The following ADD1 variants were observed in gnomAD, a reference collection of about 807,000 sequenced individuals.
The protein encoded by ADD1 is alpha-adducin.
ADD1 carries 24 observed loss-of-function variants against 80.5 expected under a neutral mutation model. That is an observed-to-expected ratio of 0.30 (90% CI 0.22 to 0.42). The LOEUF (loss-of-function observed/expected upper bound fraction) is 0.42. ADD1 is among the 10% of genes least tolerant of loss of function. The probability of loss-of-function intolerance (pLI) is 1.00; values close to 1 mark genes in which losing one functional copy is unlikely to be tolerated. For missense variants in ADD1, 948 were observed against 1,019.0 expected (o/e 0.93, Z 0.95); for synonymous variants, 373 against 393.8 (o/e 0.95, Z 0.63).
chr4:2,906,603 C>G (rs1455846317), intron 10 of ADD1, among the ~76,000 whole-genome samples: 1 of 152,196 alleles, frequency 6.6e-6, no homozygotes, highest in East Asian at 1.9e-4. Flanking sequence ...TCTTACTGTT[C>G]TGGAGTGACA....
chr4:2,871,373 A>G (rs1730428341), intron 1 of ADD1, among the ~76,000 whole-genome samples: 1 of 152,194 alleles, frequency 6.6e-6, no homozygotes, highest in Non-Finnish European at 1.5e-5. Context: ...ATTGTTAAAC[A>G]CACTGAATTG....
chr4:2,904,759 C>T lies in ADD1; in HGVS notation c.1162-5C>T, dbSNP rs1026362838. 1.2e-6 allele frequency: 2 copies of T among 1,610,556 alleles called. No individual in the cohort carries two copies. The highest frequency in any genetic ancestry group is 1.7e-5 in the Admixed American group (1 of 59,982). On this transcript the variant is annotated splice_polypyrimidine_tract_variant and splice_region_variant and intron_variant, in intron 9 of 15. Transcript: ENST00000683351. ...TGACTGTCTTTCACTCTCCTTGGAC[C>T]CTAGGGCTACAGAACTGGCTACCCT...
chr4:2,854,188 G>C (rs1727729692), intron 1 of ADD1, among the ~76,000 whole-genome samples: 1 of 152,040 alleles, frequency 6.6e-6, no homozygotes, highest in Non-Finnish European at 1.5e-5. Context: ...GCCCAGTGTG[G>C]TGGCACACGC....
intron 3 of ADD1, among the ~76,000 whole-genome samples, chr4:2,883,730 G>C (rs903557558): frequency 2.6e-5 from 4 of 151,506 alleles, no homozygotes; most frequent in African/African-American, 9.7e-5. Flanking sequence ...GCAGTGCAGT[G>C]GCGTGATCTT....
Position 2,843,879 on chromosome 4 carries a change from GC to G in ADD1, c.-165del, listed in dbSNP as rs1725754173. ...GCCGCACCCAGGTCGGGCGGTGGGGGCGAGCGGAGGGGCTGAGGGGCGGAGA... is the reference window on the plus strand; with the variant it reads ...GCCGCACCCAGGTCGGGCGGTGGGGGGAGCGGAGGGGCTGAGGGGCGGAGA... On this transcript the variant is annotated 5_prime_UTR_variant, in exon 1 of 16. Transcript: ENST00000683351. 6.6e-6 allele frequency: 1 copy of G among 152,632 alleles called. No homozygotes were observed. The highest frequency in any genetic ancestry group is 2.4e-5 in the African/African-American group (1 of 41,438). 9.5% of individuals were successfully genotyped at this position (152,632 alleles called of 1,614,324 possible). A position where few individuals can be genotyped will look rare whatever the true frequency, so the allele number is the denominator to read the frequency against.
intron 1 of ADD1, among the ~76,000 whole-genome samples, chr4:2,861,870 C>G (rs1728866957): frequency 6.6e-6 from 1 of 152,176 alleles, no homozygotes; most frequent in Non-Finnish European, 1.5e-5. Context: ...CCACATGTGG[C>G]CCAGGACAGC....
intron 2 of ADD1, among the ~76,000 whole-genome samples, chr4:2,880,035 C>G (rs769920869): frequency 7.2e-5 from 11 of 152,166 alleles, no homozygotes; most frequent in Non-Finnish European, 1.2e-4. Flanking sequence ...TTGCACATAT[C>G]TCCCTTTCTC....
intron 3 of ADD1, among the ~76,000 whole-genome samples, chr4:2,883,918 G>T (rs752798504): frequency 6.6e-6 from 1 of 152,090 alleles, no homozygotes; most frequent in Non-Finnish European, 1.5e-5. Context: ...TGATCCTCCC[G>T]CCTCGGCCTC....
chr4:2,905,401 T>G, intron 10 of ADD1: 9 of 400,276 alleles, frequency 2.2e-5, no homozygotes, highest in Admixed American at 4.0e-5. Context: ...ATAGGAGCTC[T>G]TCTTATTTAA....
chr4:2,870,912 A>G (rs1308111019), intron 1 of ADD1, among the ~76,000 whole-genome samples: 1 of 151,882 alleles, frequency 6.6e-6, no homozygotes, highest in African/African-American at 2.4e-5. Flanking sequence ...AATTGACTGT[A>G]GACAAAATAG....
intron 1 of ADD1, among the ~76,000 whole-genome samples, chr4:2,849,415 G>A (rs768642434): frequency 6.6e-6 from 1 of 152,166 alleles, no homozygotes; most frequent in Non-Finnish European, 1.5e-5. Flanking sequence ...TAGGCCTTGG[G>A]CCCAGGGAGT....
chr4:2,880,875 A>T (rs1732197673), intron 2 of ADD1, among the ~76,000 whole-genome samples: 2 of 151,954 alleles, frequency 1.3e-5, no homozygotes, highest in African/African-American at 4.8e-5. Flanking sequence ...TATTAAAATC[A>T]CCATCAATCC....
At chr4:2,907,652 T>C in intron 10 of ADD1, 91 bp from the exon 11 acceptor site, 1 of 1,088,928 alleles carries the variant, frequency 9.2e-7, no homozygotes, top group Admixed American at 1.7e-5. Context: ...GTTCAGTGCA[T>C]GACCAGATGT....
chr4:2,895,889 A>ATT (rs1434204816), intron 6 of ADD1, among the ~76,000 whole-genome samples: 4 of 142,462 alleles, frequency 2.8e-5, no homozygotes, highest in Admixed American at 7.0e-5. Context: ...GTAATGCTGT[A>ATT]TTTTTTTTTT....
intron 12 of ADD1, 82 bp downstream of exon 12, chr4:2,908,686 G>C (rs1737476787): frequency 8.4e-7 from 1 of 1,186,684 alleles, no homozygotes. Context: ...AATTGAGAGA[G>C]TGACTTTATG....
chr4:2,901,909 A>G (rs1450675492), intron 9 of ADD1: 2 of 124,620 alleles, frequency 1.6e-5, no homozygotes, highest in African/African-American at 6.0e-5. Flanking sequence ...ACAAATCCAT[A>G]TATATTTTCT....
At chr4:2,915,307 A>G (rs1224727261) in intron 14 of ADD1, among the ~76,000 whole-genome samples, 1 of 152,160 alleles carries the variant, frequency 6.6e-6, no homozygotes, top group East Asian at 1.9e-4. Flanking sequence ...GGAGTTCGAG[A>G]CCAACCTGAC....
At chr4:2,846,102 T>C (rs548095242) in intron 1 of ADD1, among the ~76,000 whole-genome samples, 118 of 152,288 alleles carry the variant, frequency 7.7e-4, no homozygotes, top group Middle Eastern at 6.8e-3. Context: ...AATGAATAAT[T>C]CCTTAATACT....
At chr4:2,909,986 C>T (rs1391547106) in intron 13 of ADD1, among the ~76,000 whole-genome samples, 1 of 144,292 alleles carries the variant, frequency 6.9e-6, no homozygotes, top group African/African-American at 2.6e-5. Flanking sequence ...AAAAAAAAAA[C>T]CCTAAATAAC....
Sources: allele counts gnomAD v4.1 joint callset (sites outside exome capture counted in the v4.1 genomes callset), GRCh38; gene constraint gnomAD v4.1.1; transcripts MANE v1.5; gene names NCBI Gene and HGNC (gene_info 2026-07-23, HGNC 2026-07-21).